The following SCML2 variants were observed in gnomAD, a reference collection of about 807,000 sequenced individuals.
The protein encoded by SCML2 is Scm polycomb group protein like 2, also known as sex comb on midleg-like protein 2.
In SCML2, 6 loss-of-function variants were observed where a neutral mutation model predicts 48.4. That is an observed-to-expected ratio of 0.12 (90% CI 0.07 to 0.24). The LOEUF is 0.24. Among genes scored for constraint, SCML2 ranks in the 10% least tolerant of loss-of-function variants. The probability of loss-of-function intolerance (pLI) is 1.00; values close to 1 mark genes in which losing one functional copy is unlikely to be tolerated. For missense variants in SCML2, 377 were observed against 528.2 expected, an observed-to-expected ratio of 0.71 and a Z score of 2.81; for synonymous variants, 181 against 189.5, an observed-to-expected ratio of 0.95 and a Z score of 0.37.
At chrX:18,242,356 C>A in intron 14 of SCML2, 83 bp downstream of exon 14, 1 of 1,006,003 alleles carries the variant, frequency 9.9e-7, no homozygotes, top group Non-Finnish European at 1.3e-6. Context: ...CCCCCACCAT[C>A]CACACAGCAT....
At chrX:18,313,160 A>G (rs768159451) in intron 6 of SCML2, among the ~76,000 whole-genome samples, 7 of 110,835 alleles carry the variant, frequency 6.3e-5, no homozygotes, top group African/African-American at 2.3e-4. Context: ...CCTTAGTTCA[A>G]TATCACCATC....
At chrX:18,347,617 G>A (rs1381424275) in intron 1 of SCML2, among the ~76,000 whole-genome samples, 8 of 103,715 alleles carry the variant, frequency 7.7e-5, no homozygotes, top group Non-Finnish European at 1.4e-4. Context: ...TCACCTACCC[G>A]GGTGGCTGAG....
At position 18,282,366 on chromosome X, in the gene SCML2, G is replaced by A. The variant is rs553761090; in HGVS notation, c.731-16564C>T. Among the ~76,000 whole-genome samples the A allele has an allele frequency of 5.6e-4, 61 of 109,800 alleles. No individual in the cohort carries two copies. In the South Asian group the frequency reaches 0.022, roughly 40 times the overall value. On this transcript the variant is annotated intron_variant, in intron 7 of 14. Coordinates refer to ENST00000251900, the MANE Select transcript of SCML2 (RefSeq NM_006089.3). ...GACAACTCTATGCAAGGCCGGGCGC[G>A]GTGGCTCACACTTGTAATCCCAGCA...
At chrX:18,341,251 C>A in intron 1 of SCML2, 1 of 683,773 alleles carries the variant, frequency 1.5e-6, no homozygotes, top group Non-Finnish European at 2.1e-6. Flanking sequence ...AAATCGCCAG[C>A]TTCAATAAGG....
chrX:18,334,735 C>T (rs1053345316), intron 1 of SCML2, among the ~76,000 whole-genome samples: 3 of 111,980 alleles, frequency 2.7e-5, no homozygotes, highest in African/African-American at 9.7e-5. Flanking sequence ...TCCAAGACCC[C>T]AGTCTAGTCA....
rs553337583 is a variant in SCML2, at chrX:18,327,232, C to T, written c.92-2255G>A. Among the ~76,000 whole-genome samples the T allele has an allele frequency of 1.3e-4, 14 of 109,774 alleles. No homozygotes were observed. In the South Asian group the frequency reaches 4.7e-3, roughly 37 times the overall value. ...TAAAAAAAAAAAAATTGCTGGGCAT[C>T]GTGGCGGGTGCCTCCCAGCTACTTG... On this transcript the variant is annotated intron_variant, in intron 3 of 14. Transcript: ENST00000251900.
Position 18,240,603 on chromosome X carries a change from C to T in SCML2, c.*648G>A, listed in dbSNP as rs1176882444. On this transcript the variant is annotated 3_prime_UTR_variant, in exon 15 of 15. Transcript: ENST00000251900. ...AAAATTTATCAAAAACTGGTAAGAA[C>T]ACTTCATGAAAGCTTATAAGCTTGC... 8.9e-6 allele frequency: 1 copy of T among 112,061 alleles called. No individual in the cohort carries two copies. Among genetic ancestry groups the T allele is most frequent in the Non-Finnish European group, 1.9e-5 (1 of 53,168 alleles). 9.2% of individuals were successfully genotyped at this position (112,061 alleles called of 1,213,427 possible). A position where few individuals can be genotyped will look rare whatever the true frequency, so the allele number is the denominator to read the frequency against.
At chrX:18,242,921 T>C (rs1926318534) in intron 13 of SCML2, among the ~76,000 whole-genome samples, 1 of 112,398 alleles carries the variant, frequency 8.9e-6, no homozygotes, top group African/African-American at 3.2e-5. Flanking sequence ...ATTAGGTTAA[T>C]CTAATCTAAC....
At chrX:18,334,225 C>A in intron 1 of SCML2, 130 bp from the exon 2 acceptor site, 1 of 422,344 alleles carries the variant, frequency 2.4e-6, no homozygotes, top group Non-Finnish European at 4.0e-6. Flanking sequence ...TTGTATATGC[C>A]TAGTTGCCTG....
At chrX:18,304,885 A>G in intron 7 of SCML2, 87 bp downstream of exon 7, 1 of 1,059,074 alleles carries the variant, frequency 9.4e-7, no homozygotes, top group African/African-American at 1.8e-5. Flanking sequence ...ACCACCTGGT[A>G]CCACCAACGC....
In SCML2 at chrX:18,283,753, A is replaced by C. The variant is rs190481337; in HGVS notation, c.731-17951T>G. On this transcript the variant is annotated intron_variant, in intron 7 of 14. Transcript: ENST00000251900. ...AAGAAGGTGAAAGATTTCTACAAGAAGAACTATAAACACTGCAGAAAGAAA... is the reference window on the plus strand; with the variant it reads ...AAGAAGGTGAAAGATTTCTACAAGACGAACTATAAACACTGCAGAAAGAAA... Among the ~76,000 whole-genome samples, 703 of 112,087 alleles carry C rather than the reference A, an allele frequency of 6.3e-3. 7 individuals carry two copies. Among genetic ancestry groups the C allele is most frequent in the African/African-American group, 0.022 (683 of 30,899 alleles).
intron 3 of SCML2, among the ~76,000 whole-genome samples, chrX:18,326,571 T>C (rs1428296708): frequency 1.8e-5 from 2 of 109,201 alleles, no homozygotes; most frequent in Non-Finnish European, 3.8e-5. Flanking sequence ...TCCCAACTAC[T>C]TGGGAGGCTG....
Position 18,247,894 on chromosome X carries a change from G to C in SCML2, c.1457-12C>G, listed in dbSNP as rs1294460757. The C allele has an allele frequency of 8.8e-7, 1 of 1,138,544 alleles. No individual in the cohort carries two copies. Among genetic ancestry groups the C allele is most frequent in the Non-Finnish European group, 1.2e-6 (1 of 832,237 alleles). The allele number at this position is 1,138,544 out of a possible 1,213,427, so 93.8% of individuals were successfully genotyped here. ...TACATCTTCTTTTGCTGTTTTCAAA[G>C]AAAAAACAGTTGTCTGTTATAACGA... On this transcript the variant is annotated splice_polypyrimidine_tract_variant and intron_variant, in intron 11 of 14. Coordinates refer to ENST00000251900, the MANE Select transcript of SCML2 (RefSeq NM_006089.3).
intron 6 of SCML2, among the ~76,000 whole-genome samples, chrX:18,317,846 A>AG (rs1929180937): frequency 9.2e-6 from 1 of 109,059 alleles, no homozygotes; most frequent in East Asian, 2.9e-4. Context: ...AAAAAAAAAA[A>AG]AAAAAAAGAA....
chrX:18,320,397 A>T lies in SCML2; in HGVS notation c.421T>A (p.Trp141Arg). The T allele has an allele frequency of 1.7e-6, 2 of 1,150,821 alleles. No individual in the cohort carries two copies. The highest frequency in any genetic ancestry group is 2.3e-6 in the Non-Finnish European group (2 of 852,680). 94.8% of individuals were successfully genotyped at this position (1,150,821 alleles called of 1,213,427 possible). A position where few individuals can be genotyped will look rare whatever the true frequency, so the allele number is the denominator to read the frequency against. The change falls in exon 6 of 15, where the codon TGG (tryptophan) becomes AGG (arginine). Residue 141 changes from tryptophan (W) to arginine (R), a missense_variant. Physicochemically the swap from Trp to Arg is moderately radical, Grantham distance 101. Transcript: ENST00000251900. ...AGTGTCTTTAAGAGGAACATCGGCC[A>T]GGAGGATGTATTCATCTGGTACCCT... ...PLGYQMNTSS[W>R]PMFLLKTLNG...
chrX:18,335,513 A>G (rs988074721), intron 1 of SCML2, among the ~76,000 whole-genome samples: 3 of 110,957 alleles, frequency 2.7e-5, no homozygotes, highest in African/African-American at 9.9e-5. Context: ...CAAAAAAATA[A>G]ATAAATAAAT....
intron 2 of SCML2, among the ~76,000 whole-genome samples, chrX:18,333,450 T>G (rs1022330090): frequency 1.8e-5 from 2 of 111,835 alleles, no homozygotes; most frequent in African/African-American, 6.5e-5. Flanking sequence ...ATTTACTAAA[T>G]AGTTCTACAG....
intron 7 of SCML2, among the ~76,000 whole-genome samples, chrX:18,297,043 A>G (rs769280137): frequency 2.5e-4 from 28 of 111,965 alleles, no homozygotes; most frequent in African/African-American, 9.1e-4. Flanking sequence ...ATACACCAAG[A>G]TCAAGTAGGA....
chrX:18,277,778 G>A (rs1796642752), intron 7 of SCML2, among the ~76,000 whole-genome samples: 1 of 111,558 alleles, frequency 9.0e-6, no homozygotes, highest in Admixed American at 9.5e-5. Flanking sequence ...AAGTAGTACA[G>A]AAAACAAATA....
Sources: gnomAD v4.1 joint callset for allele counts (sites outside exome capture counted in the v4.1 genomes callset) on GRCh38, gnomAD v4.1.1 for gene constraint, MANE v1.5 for transcripts, NCBI Gene and HGNC (gene_info 2026-07-23, HGNC 2026-07-21) for gene names.